The following TRHDE variants were observed in gnomAD, a reference collection of about 807,000 sequenced individuals.
TRHDE encodes thyrotropin releasing hormone degrading enzyme.
In TRHDE, 72 loss-of-function variants were observed where a neutral mutation model predicts 125.7. That is an observed-to-expected ratio of 0.57 (90% CI 0.47 to 0.70). The LOEUF is 0.70. Among genes scored for constraint, TRHDE ranks in the 30% least tolerant of loss-of-function variants. The probability of loss-of-function intolerance (pLI) is 0.00; values close to 1 mark genes in which losing one functional copy is unlikely to be tolerated. For missense variants in TRHDE, 1,110 were observed against 1,327.1 expected (o/e 0.84, Z 2.54); for synonymous variants, 509 against 509.1 (o/e 1.00, Z 0.00).
At chr12:72,159,475 G>A (rs1223662568) in intron 2 of TRHDE, among the ~76,000 whole-genome samples, 2 of 152,224 alleles carry the variant, frequency 1.3e-5, no homozygotes, top group African/African-American at 2.4e-5. Context: ...TAATATGTAT[G>A]TAGATGACAT....
At chr12:72,591,476 C>CAT (rs1339142727) in intron 12 of TRHDE, among the ~76,000 whole-genome samples, 7 of 151,518 alleles carry the variant, frequency 4.6e-5, no homozygotes, top group African/African-American at 1.7e-4. Flanking sequence ...ATAATGTATG[C>CAT]ATATATATAC....
intron 6 of TRHDE, among the ~76,000 whole-genome samples, chr12:72,516,429 G>A (rs1173023758): frequency 2.6e-5 from 4 of 152,060 alleles, no homozygotes; most frequent in Non-Finnish European, 1.5e-5. Flanking sequence ...ATTCACTCAT[G>A]ATTTGGCTCT....
At chr12:72,559,656 T>C (rs1462930922) in intron 7 of TRHDE, among the ~76,000 whole-genome samples, 1 of 152,214 alleles carries the variant, frequency 6.6e-6, no homozygotes, top group African/African-American at 2.4e-5. Context: ...AACATTCTTC[T>C]ATTTTATATC....
intron 10 of TRHDE, among the ~76,000 whole-genome samples, chr12:72,573,783 A>G (rs12302523): frequency 0.27 from 40,408 of 151,788 alleles, 8,112 homozygotes; most frequent in African/African-American, 0.54. Flanking sequence ...TCTTGTATCA[A>G]TAGAATATAG....
At chr12:72,090,521 A>C (rs1223087138) in intron 1 of TRHDE, among the ~76,000 whole-genome samples, 1 of 151,984 alleles carries the variant, frequency 6.6e-6, no homozygotes, top group Non-Finnish European at 1.5e-5. Context: ...AGAACTGCAA[A>C]ATTTTCTGAT....
chr12:72,554,154 A>C (rs1869812416), intron 7 of TRHDE, among the ~76,000 whole-genome samples: 1 of 152,068 alleles, frequency 6.6e-6, no homozygotes, highest in African/African-American at 2.4e-5. Flanking sequence ...GGCCAAGTCC[A>C]TATAATTTTC....
At chr12:72,305,799 T>C (rs1020600870) in intron 2 of TRHDE, among the ~76,000 whole-genome samples, 1 of 152,174 alleles carries the variant, frequency 6.6e-6, no homozygotes, top group African/African-American at 2.4e-5. Context: ...GAGGAGATCA[T>C]TTACTGGTTC....
intron 3 of TRHDE, among the ~76,000 whole-genome samples, chr12:72,460,312 G>A (rs1444526789): frequency 6.6e-6 from 1 of 152,160 alleles, no homozygotes; most frequent in Non-Finnish European, 1.5e-5. Context: ...TCAGTAATGT[G>A]CTGGGGCAGA....
At chr12:72,542,395 T>C (rs745558391) in intron 7 of TRHDE, 39 bp downstream of exon 7, 1 of 1,547,500 alleles carries the variant, frequency 6.5e-7, no homozygotes, top group Non-Finnish European at 8.8e-7. Context: ...ACATTTTTCC[T>C]TGTCAATATA....
chr12:72,416,887 G>T (rs1873752855), intron 3 of TRHDE, among the ~76,000 whole-genome samples: 1 of 151,904 alleles, frequency 6.6e-6, no homozygotes, highest in African/African-American at 2.4e-5. Flanking sequence ...ATAAATTTTA[G>T]GACTACTTTT....
chr12:72,117,720 C>T (rs1875480909), intron 2 of TRHDE, among the ~76,000 whole-genome samples: 1 of 151,998 alleles, frequency 6.6e-6, no homozygotes, highest in South Asian at 2.1e-4. Context: ...CATGAACTAT[C>T]ATTTCATTTA....
chr12:72,214,435 A>G (rs1877844376), intron 2 of TRHDE, among the ~76,000 whole-genome samples: 1 of 152,210 alleles, frequency 6.6e-6, no homozygotes, highest in African/African-American at 2.4e-5. Context: ...GGCTGGAGTA[A>G]GGAAAAGGAT....
At chr12:72,100,868 G>A (rs548400631) in intron 1 of TRHDE, among the ~76,000 whole-genome samples, 11 of 152,162 alleles carry the variant, frequency 7.2e-5, no homozygotes, top group Non-Finnish European at 7.4e-5. Context: ...TGAAAGCTAA[G>A]TCCTTAACAA....
chr12:72,377,109 A>G (rs1374660542), intron 2 of TRHDE, among the ~76,000 whole-genome samples: 3 of 152,142 alleles, frequency 2.0e-5, no homozygotes, highest in Non-Finnish European at 4.4e-5. Context: ...TGTGCTCTCT[A>G]CTGCTCCACA....
chr12:72,373,327 C>T (rs372909689), intron 2 of TRHDE, among the ~76,000 whole-genome samples: 10,792 of 152,100 alleles, frequency 0.071, 508 homozygotes, highest in Non-Finnish European at 0.11. Flanking sequence ...ACAATTATGT[C>T]ATCTGCAAAC....
At chr12:72,195,621 T>C (rs780866755) in intron 2 of TRHDE, among the ~76,000 whole-genome samples, 27 of 152,252 alleles carry the variant, frequency 1.8e-4, no homozygotes, top group Non-Finnish European at 2.9e-4. Context: ...TTTTGTTCCT[T>C]ATAGATTCTG....
chr12:72,134,256 G>T (rs576329394), intron 2 of TRHDE, among the ~76,000 whole-genome samples: 1 of 152,016 alleles, frequency 6.6e-6, no homozygotes, highest in Non-Finnish European at 1.5e-5. Context: ...AAAGAGGGCT[G>T]GTCCCTATTA....
chr12:72,427,016 A>T (rs1173989055), intron 3 of TRHDE, among the ~76,000 whole-genome samples: 1 of 152,124 alleles, frequency 6.6e-6, no homozygotes, highest in African/African-American at 2.4e-5. Flanking sequence ...ATCTTCAGTT[A>T]TCTAGGTTCT....
intron 5 of TRHDE, among the ~76,000 whole-genome samples, chr12:72,498,321 C>T (rs1057262877): frequency 2.5e-4 from 38 of 152,094 alleles, no homozygotes; most frequent in East Asian, 1.9e-4. Context: ...CTTTTCTTGG[C>T]GTATTTTTTC....
Sources: allele counts gnomAD v4.1 joint callset (sites outside exome capture counted in the v4.1 genomes callset), GRCh38; gene constraint gnomAD v4.1.1; transcripts MANE v1.5; gene names NCBI Gene and HGNC (gene_info 2026-07-23, HGNC 2026-07-21).